DPYSL2: variants seen among roughly 807,000 people sequenced by gnomAD.
DPYSL2 encodes the protein dihydropyrimidinase like 2, also known as dihydropyrimidinase-related protein 2.
In DPYSL2, 13 loss-of-function variants were observed where a neutral mutation model predicts 69.9. The observed-to-expected ratio is 0.19, with a 90% confidence interval of 0.12 to 0.30. The LOEUF is 0.30. DPYSL2 is among the 10% of genes least tolerant of loss of function. DPYSL2 has a pLI of 1.00. For missense variants in DPYSL2, 587 were observed against 918.9 expected (o/e 0.64, Z 4.67); for synonymous variants, 326 against 359.1 (o/e 0.91, Z 1.04).
At chr8:26,531,168 T>TAC (rs1800505204) in intron 1 of DPYSL2, among the ~76,000 whole-genome samples, 1 of 151,674 alleles carries the variant, frequency 6.6e-6, no homozygotes, top group Non-Finnish European at 1.5e-5. Context: ...AGGTTTTCAA[T>TAC]ACATGAATTT....
At position 26,644,211 on chromosome 8, in the gene DPYSL2, A is replaced by T. The variant is rs978595200; in HGVS notation, c.1425+120A>T. 2.5e-6 allele frequency: 3 copies of T among 1,211,544 alleles called. No homozygotes were observed. In the South Asian group the frequency reaches 5.5e-5, roughly 22 times the overall value. 75.0% of individuals were successfully genotyped at this position (1,211,544 alleles called of 1,614,324 possible). A position where few individuals can be genotyped will look rare whatever the true frequency, so the allele number is the denominator to read the frequency against. ...GACAGTGGAGGACATCCTAGAAGCC[A>T]GTACTTATATGACAATATTTCTGAG... On this transcript the variant is annotated intron_variant, in intron 10 of 13. Transcript: ENST00000521913. This position sits in a 1 kb window ranked among gnomAD's most constrained non-coding sequence, Gnocchi z 4.5.
At chr8:26,519,072 C>T (rs977227704) in intron 1 of DPYSL2, among the ~76,000 whole-genome samples, 3 of 152,178 alleles carry the variant, frequency 2.0e-5, no homozygotes, top group Admixed American at 6.5e-5. Flanking sequence ...TGGCCATGAC[C>T]TTTGCATATT....
At chr8:26,608,705 A>G (rs1585542886) in intron 3 of DPYSL2, among the ~76,000 whole-genome samples, 1 of 152,180 alleles carries the variant, frequency 6.6e-6, no homozygotes, top group African/African-American at 2.4e-5. Flanking sequence ...GACAAAAAAG[A>G]CCCATTGAAC....
At chr8:26,601,107 G>A (rs1801981130) in intron 3 of DPYSL2, among the ~76,000 whole-genome samples, 1 of 152,210 alleles carries the variant, frequency 6.6e-6, no homozygotes, top group African/African-American at 2.4e-5. Flanking sequence ...AGAGGGCAGA[G>A]GAATCAGAAT....
rs1803256827 is a variant in DPYSL2, at chr8:26,650,369, G to A, written c.1597-1888G>A. 6.6e-6 allele frequency among the ~76,000 whole-genome samples: 1 copy of A among 152,208 alleles called. No homozygotes were observed. ...GAGGTTGTCAGGGCATAAACTGTTA[G>A]CTGTGGAGTGATGTGGAAGAGATGG... On this transcript the variant is annotated intron_variant, in intron 11 of 13. Transcript: ENST00000521913. The surrounding 1 kb of genome is among the most constrained non-coding windows in gnomAD (Gnocchi z 5.3).
At position 26,655,938 on chromosome 8, in the gene DPYSL2, C is replaced by T. The variant is rs556544365; in HGVS notation, c.*232C>T. 2.6e-6 allele frequency: 1 copy of T among 387,098 alleles called. No individual in the cohort carries two copies. The highest frequency in any genetic ancestry group is 2.0e-5 in the African/African-American group (1 of 49,512). The allele number at this position is 387,098 out of a possible 1,614,324, so 24.0% of individuals were successfully genotyped here. A position where few individuals can be genotyped will look rare whatever the true frequency, so the allele number is the denominator to read the frequency against. ...CCTACACATCTATGGGTATCACACC[C>T]AAGACTACCCACCAAGCTCATACAG... is the stretch of plus-strand genomic sequence containing the variant. On this transcript the variant is annotated 3_prime_UTR_variant, in exon 14 of 14. Transcript: ENST00000521913.
At position 26,588,001 on chromosome 8, in the gene DPYSL2, C is replaced by G. The variant is rs1177306393; in HGVS notation, c.628+4018C>G. ...CTGTAGCTCTGGCCTCACCGCTTGCCCTGGGGCCACCTTTGCTCTCAGCCT... is the reference window on the plus strand; with the variant it reads ...CTGTAGCTCTGGCCTCACCGCTTGCGCTGGGGCCACCTTTGCTCTCAGCCT... On this transcript the variant is annotated intron_variant, in intron 3 of 13. Coordinates refer to ENST00000521913, the MANE Select transcript of DPYSL2 (RefSeq NM_001197293.3). The surrounding 1 kb of genome is among the most constrained non-coding windows in gnomAD (Gnocchi z 5.4). 6.6e-6 allele frequency among the ~76,000 whole-genome samples: 1 copy of G among 152,154 alleles called. No homozygotes were observed. The highest frequency in any genetic ancestry group is 2.4e-5 in the African/African-American group (1 of 41,426).
rs747715290 is a variant in DPYSL2, at chr8:26,655,673, C to T, written c.2001C>T (p.Pro667=). 27 of 1,608,832 alleles carry T rather than the reference C, an allele frequency of 1.7e-5. No homozygotes were observed. Among genetic ancestry groups the T allele is most frequent in the South Asian group, 9.9e-5 (9 of 90,962 alleles). ...RRTTQRIVAP[P]GGRANITSLG is the part of the protein sequence containing the mutation. ...CCACCCAGCGTATCGTGGCGCCCCC[C>T]GGTGGCCGTGCCAACATCACCAGCC... Residue 667 remains proline, a synonymous_variant, in exon 14 of 14, where the codon CCC becomes CCT. Transcript: ENST00000521913.
rs761040565 is a variant in DPYSL2, at chr8:26,617,048, A to G, written c.629-7095A>G. On this transcript the variant is annotated intron_variant, in intron 3 of 13. Coordinates refer to ENST00000521913, the MANE Select transcript of DPYSL2 (RefSeq NM_001197293.3). This position sits in a 1 kb window ranked among gnomAD's most constrained non-coding sequence, Gnocchi z 4.7. ...TGGAACTGCAGGGAAGCTGTTTCTG[A>G]CATCCCTGGTTTTAATTACAAAGGG... 6.6e-6 allele frequency among the ~76,000 whole-genome samples: 1 copy of G among 152,196 alleles called. No homozygotes were observed. Among genetic ancestry groups the G allele is most frequent in the Non-Finnish European group, 1.5e-5 (1 of 68,036 alleles).
At chr8:26,536,663 TC>T (rs1488322010) in intron 1 of DPYSL2, among the ~76,000 whole-genome samples, 1 of 147,714 alleles carries the variant, frequency 6.8e-6, no homozygotes, top group Admixed American at 6.7e-5. Context: ...AGAGAGAGAC[TC>T]CATCTCAAAA....
chr8:26,624,959 C>T lies in DPYSL2; in HGVS notation c.793+652C>T, dbSNP rs893805538. Among the ~76,000 whole-genome samples the T allele has an allele frequency of 2.6e-5, 4 of 152,124 alleles. No individual in the cohort carries two copies. Among genetic ancestry groups the T allele is most frequent in the African/African-American group, 9.7e-5 (4 of 41,424 alleles). ...CAGGCCACATCATCTTCCTGGGTCTCGCTGGGCTTGGCTAGAGACCAGATT... is the reference window on the plus strand; with the variant it reads ...CAGGCCACATCATCTTCCTGGGTCTTGCTGGGCTTGGCTAGAGACCAGATT... On this transcript the variant is annotated intron_variant, in intron 4 of 13. Transcript: ENST00000521913. The surrounding 1 kb of genome is among the most constrained non-coding windows in gnomAD (Gnocchi z 4.7).
Position 26,559,239 on chromosome 8 carries a change from G to A in DPYSL2, c.355-22730G>A, listed in dbSNP as rs116863027. Among the ~76,000 whole-genome samples, 314 of 152,194 alleles carry A rather than the reference G, an allele frequency of 2.1e-3. 2 individuals are homozygous for A. The highest frequency in any genetic ancestry group is 0.017 in the East Asian group (86 of 5,174). On this transcript the variant is annotated intron_variant, in intron 1 of 13. Coordinates refer to ENST00000521913, the MANE Select transcript of DPYSL2 (RefSeq NM_001197293.3). ...ATTACAGGTGTGAGCCACCACGTCC[G>A]GCCTAAACTATTTCTAGTAGTGCTA...
chr8:26,526,166 C>G (rs1808472127), intron 1 of DPYSL2, among the ~76,000 whole-genome samples: 1 of 152,140 alleles, frequency 6.6e-6, no homozygotes, highest in African/African-American at 2.4e-5. Context: ...ATGATCCTGG[C>G]TCACTGCAAC....
At position 26,626,003 on chromosome 8, in the gene DPYSL2, A is replaced by C. The variant is rs1298637305; in HGVS notation, c.794-614A>C. On this transcript the variant is annotated intron_variant, in intron 4 of 13. Coordinates refer to ENST00000521913, the MANE Select transcript of DPYSL2 (RefSeq NM_001197293.3). The surrounding 1 kb of genome is among the most constrained non-coding windows in gnomAD (Gnocchi z 4.3). ...AAACACTAACTCTCCACTGTCCTTC[A>C]CCCCAGTCCCTGGCAACTGCTGTTG... Among the ~76,000 whole-genome samples the C allele has an allele frequency of 6.6e-6, 1 of 152,124 alleles. No individual in the cohort carries two copies. The highest frequency in any genetic ancestry group is 1.5e-5 in the Non-Finnish European group (1 of 68,020).
chr8:26,577,613 C>A (rs76729423), intron 1 of DPYSL2, among the ~76,000 whole-genome samples: 30,308 of 149,920 alleles, frequency 0.2, 3,889 homozygotes, highest in East Asian at 0.41. Context: ...GCCCCTCCCC[C>A]CGGCCGCGAC....
At chr8:26,600,743 C>T (rs1306791936) in intron 3 of DPYSL2, among the ~76,000 whole-genome samples, 1 of 152,168 alleles carries the variant, frequency 6.6e-6, no homozygotes, top group Non-Finnish European at 1.5e-5. Context: ...CACTGAGGAC[C>T]CTTGAGCCCT....
intron 1 of DPYSL2, among the ~76,000 whole-genome samples, chr8:26,528,561 C>T (rs893472569): frequency 1.3e-5 from 2 of 151,348 alleles, no homozygotes; most frequent in East Asian, 1.9e-4. Context: ...GCAGGAGAAT[C>T]GCTTGAACCC....
chr8:26,561,269 T>C (rs1200532383), intron 1 of DPYSL2, among the ~76,000 whole-genome samples: 1 of 152,170 alleles, frequency 6.6e-6, no homozygotes, highest in Non-Finnish European at 1.5e-5. Flanking sequence ...TGGCCACTCC[T>C]GAGTCTTCTT....
intron 1 of DPYSL2, among the ~76,000 whole-genome samples, chr8:26,523,109 C>A (rs1211885688): frequency 6.6e-6 from 1 of 151,150 alleles, no homozygotes; most frequent in Non-Finnish European, 1.5e-5. Context: ...GTAAAAAACT[C>A]CTTCTTTGTG....
Sources: gnomAD v4.1 joint callset for allele counts (sites outside exome capture counted in the v4.1 genomes callset) on GRCh38, gnomAD v4.1.1 for gene constraint, Gnocchi (gnomAD v3.1) non-coding constraint, MANE v1.5 for transcripts, NCBI Gene and HGNC (gene_info 2026-07-23, HGNC 2026-07-21) for gene names.